Variants in ADRA1A observed in about 807,000 individuals in gnomAD.
ADRA1A encodes the protein adrenoceptor alpha 1A.
In ADRA1A, 31 loss-of-function variants were observed where a neutral mutation model predicts 29.6. That is an observed-to-expected ratio of 1.05 (90% CI 0.79 to 1.41). The LOEUF (loss-of-function observed/expected upper bound fraction) is 1.41. Among genes scored for constraint, ADRA1A ranks in the 40% most tolerant of loss-of-function variants. The probability of loss-of-function intolerance (pLI) is 0.00; values close to 1 mark genes in which losing one functional copy is unlikely to be tolerated. For synonymous variants in ADRA1A, 311 were observed against 254.3 expected, an observed-to-expected ratio of 1.22 and a Z score of -2.12; for missense variants, 619 against 601.1, an observed-to-expected ratio of 1.03 and a Z score of -0.31.
chr8:26,819,563 A>G (rs1810009712), intron 2 of ADRA1A, among the ~76,000 whole-genome samples: 4 of 152,204 alleles, frequency 2.6e-5, no homozygotes, highest in Non-Finnish European at 5.9e-5. Flanking sequence ...ATAGATTGTT[A>G]CAACTATAAG....
At chr8:26,859,119 T>G in intron 2 of ADRA1A, 1 of 1,289,906 alleles carries the variant, frequency 7.8e-7, no homozygotes, top group Non-Finnish European at 1.0e-6. Context: ...TGGTTTCAGT[T>G]TTTAATCTCT....
intron 2 of ADRA1A, among the ~76,000 whole-genome samples, chr8:26,791,945 G>A (rs1807866017): frequency 6.6e-6 from 1 of 152,110 alleles, no homozygotes; most frequent in Non-Finnish European, 1.5e-5. Context: ...TCAGCCCACT[G>A]TATTTCTTTA....
intron 2 of ADRA1A, among the ~76,000 whole-genome samples, chr8:26,800,056 T>C (rs114940591): frequency 0.017 from 2,633 of 152,144 alleles, 68 homozygotes; most frequent in African/African-American, 0.057. Context: ...GTCAGGAGTT[T>C]GAGACCAGCC....
At chr8:26,832,105 T>A (rs987636846) in intron 2 of ADRA1A, among the ~76,000 whole-genome samples, 1 of 152,208 alleles carries the variant, frequency 6.6e-6, no homozygotes, top group South Asian at 2.1e-4. Context: ...AGGGAGGAGA[T>A]TCGGTTTGCA....
Position 26,805,937 on chromosome 8 carries a change from TC to T in ADRA1A, c.884-35272del, listed in dbSNP as rs1306645364. ...CCCCCTTCCCCCTAGGCATCTTCTA[TC>T]ACTGTTGCAGGTGCAGGCCCCCTCC... On this transcript the variant is annotated intron_variant, in intron 2 of 2. Transcript: ENST00000380573. The surrounding 1 kb of genome is among the most constrained non-coding windows in gnomAD (Gnocchi z 4.8). 3.3e-5 allele frequency among the ~76,000 whole-genome samples: 5 copies of T among 152,170 alleles called. No homozygotes were observed. The highest frequency in any genetic ancestry group is 1.3e-4 in the Admixed American group (2 of 15,282).
At chr8:26,770,700 T>C in intron 2 of ADRA1A, 34 bp from the exon 3 acceptor site, 1 of 1,553,694 alleles carries the variant, frequency 6.4e-7, no homozygotes, top group South Asian at 1.2e-5. Flanking sequence ...TACATATTAT[T>C]TGAAAGCCAG....
Position 26,831,366 on chromosome 8 carries a change from CAGAG to C in ADRA1A, c.883+32717_883+32720del, listed in dbSNP as rs372634911. ...AGAAGAGATGCCAATGATGACGAGG[CAGAG>C]AGAGAGAGAGAAGGAGAGAGAGAAA... On this transcript the variant is annotated intron_variant, in intron 2 of 2. Transcript: ENST00000380573. This position sits in a 1 kb window ranked among gnomAD's most constrained non-coding sequence, Gnocchi z 5.2. 5.3e-5 allele frequency among the ~76,000 whole-genome samples: 8 copies of C among 150,496 alleles called. No homozygotes were observed. Among genetic ancestry groups the C allele is most frequent in the African/African-American group, 1.7e-4 (7 of 41,156 alleles).
At position 26,831,652 on chromosome 8, in the gene ADRA1A, C is replaced by T. The variant is rs1283941440; in HGVS notation, c.883+32435G>A. ...TCACTTCAATCTTTCTTCTTTCCAG[C>T]CTGGGTAGATCAGCCACATGCCAAT... On this transcript the variant is annotated intron_variant, in intron 2 of 2. Transcript: ENST00000380573. The surrounding 1 kb of genome is among the most constrained non-coding windows in gnomAD (Gnocchi z 5.2). Among the ~76,000 whole-genome samples, 1 of 152,252 alleles carries T rather than the reference C, an allele frequency of 6.6e-6. No individual in the cohort carries two copies. Among genetic ancestry groups the T allele is most frequent in the Non-Finnish European group, 1.5e-5 (1 of 68,042 alleles).
intron 2 of ADRA1A, among the ~76,000 whole-genome samples, chr8:26,786,189 C>G (rs1205005166): frequency 2.6e-5 from 4 of 152,082 alleles, no homozygotes; most frequent in Non-Finnish European, 4.4e-5. Context: ...TCACTCTCTT[C>G]CCTATCCCCT....
At position 26,769,903 on chromosome 8, in the gene ADRA1A, C is replaced by T. The variant is rs1409371126; in HGVS notation, c.*246G>A. On this transcript the variant is annotated 3_prime_UTR_variant, in exon 3 of 3. Coordinates refer to ENST00000380573, the MANE Select transcript of ADRA1A (RefSeq NM_000680.4). ...TTTCGTTGAAGTGGGCACAGAGTGA[C>T]CAAGAAAGCATTAGCTGCAGGGAAA... The T allele has an allele frequency of 9.1e-5, 113 of 1,247,126 alleles. No homozygotes were observed. The highest frequency in any genetic ancestry group is 1.1e-4 in the Non-Finnish European group (106 of 996,514). The allele number at this position is 1,247,126 out of a possible 1,614,324, so 77.3% of individuals were successfully genotyped here.
At chr8:26,773,158 T>A (rs1346520051) in intron 2 of ADRA1A, among the ~76,000 whole-genome samples, 4 of 152,212 alleles carry the variant, frequency 2.6e-5, no homozygotes, top group African/African-American at 9.6e-5. Flanking sequence ...ACTGGTAGGT[T>A]TGAAATTAGG....
In ADRA1A at chr8:26,769,472, G is replaced by A. The variant is rs1167997611; in HGVS notation, c.*677C>T. ...TTCTTTCAACCCTCTCCTGACCCAA[G>A]GATAGAGAACACTACATTCCAAGAC... On this transcript the variant is annotated 3_prime_UTR_variant, in exon 3 of 3. Coordinates refer to ENST00000380573, the MANE Select transcript of ADRA1A (RefSeq NM_000680.4). 1 of 985,246 alleles carries A rather than the reference G, an allele frequency of 1.0e-6. No homozygotes were observed. The highest frequency in any genetic ancestry group is 1.2e-6 in the Non-Finnish European group (1 of 829,932). The allele number at this position is 985,246 out of a possible 1,614,324, so 61.0% of individuals were successfully genotyped here. A position where few individuals can be genotyped will look rare whatever the true frequency, so the allele number is the denominator to read the frequency against.
downstream of ADRA1A, among the ~76,000 whole-genome samples, chr8:26,760,873 T>C (rs1199817455): frequency 4.6e-5 from 7 of 152,356 alleles, 1 homozygote; most frequent in Admixed American, 4.6e-4. Flanking sequence ...TTACTGTCCC[T>C]TAGAATCCTC....
downstream of ADRA1A, among the ~76,000 whole-genome samples, chr8:26,761,419 T>C (rs956888107): frequency 6.6e-6 from 1 of 152,230 alleles, no homozygotes; most frequent in African/African-American, 2.4e-5. Context: ...CCTCAGAATG[T>C]GACTGTATTC....
intron 2 of ADRA1A, among the ~76,000 whole-genome samples, chr8:26,834,888 T>C (rs1288913153): frequency 1.3e-5 from 2 of 152,212 alleles, no homozygotes; most frequent in East Asian, 3.8e-4. Flanking sequence ...TTTCCTGGGA[T>C]TTTTGATGCC....
In ADRA1A at chr8:26,806,116, T is replaced by C. The variant is rs1402669149; in HGVS notation, c.884-35450A>G. Reference sequence around the variant, plus strand: ...TACCTAATGACCGAACTCCCGAATGTTCCCATTCTGTCCTGCCTCTCTTTT... The same window carrying C: ...TACCTAATGACCGAACTCCCGAATGCTCCCATTCTGTCCTGCCTCTCTTTT... On this transcript the variant is annotated intron_variant, in intron 2 of 2. Transcript: ENST00000380573. This position sits in a 1 kb window ranked among gnomAD's most constrained non-coding sequence, Gnocchi z 4.6. Among the ~76,000 whole-genome samples, 2 of 151,662 alleles carry C rather than the reference T, an allele frequency of 1.3e-5. No individual in the cohort carries two copies. The highest frequency in any genetic ancestry group is 3.0e-5 in the Non-Finnish European group (2 of 67,776).
intron 2 of ADRA1A, among the ~76,000 whole-genome samples, chr8:26,757,503 G>A: frequency 6.7e-6 from 1 of 148,538 alleles, no homozygotes; most frequent in Non-Finnish European, 1.5e-5. Flanking sequence ...TGTCCCTTTT[G>A]CTTCCATTTC....
chr8:26,839,727 G>A (rs564345247), intron 2 of ADRA1A, among the ~76,000 whole-genome samples: 10 of 152,296 alleles, frequency 6.6e-5, no homozygotes, highest in African/African-American at 1.7e-4. Context: ...GTAATTTGGC[G>A]GAAGGAGGCA....
At chr8:26,827,614 T>C (rs1277791712) in intron 2 of ADRA1A, among the ~76,000 whole-genome samples, 1 of 151,522 alleles carries the variant, frequency 6.6e-6, no homozygotes, top group African/African-American at 2.4e-5. Flanking sequence ...TTTTCTTTCT[T>C]TTCTTTCTTT....
Sources: gnomAD v4.1 joint callset for allele counts (sites outside exome capture counted in the v4.1 genomes callset) on GRCh38, gnomAD v4.1.1 for gene constraint, Gnocchi (gnomAD v3.1) non-coding constraint, MANE v1.5 for transcripts, NCBI Gene and HGNC (gene_info 2026-07-23, HGNC 2026-07-21) for gene names.